The following FAR2 variants were observed in gnomAD, a reference collection of about 807,000 sequenced individuals.
FAR2 encodes fatty acyl-CoA reductase 2, also known as epididymis secretory protein Li 81.
FAR2 carries 19 observed loss-of-function variants against 56.0 expected under a neutral mutation model. The observed-to-expected ratio is 0.34, with a 90% CI of 0.24 to 0.50. The LOEUF (loss-of-function observed/expected upper bound fraction) is 0.50, where lower values mean the gene tolerates loss of function less well. FAR2 is among the 20% of genes least tolerant of loss of function. The probability of loss-of-function intolerance (pLI) is 0.98; values close to 1 mark genes in which losing one functional copy is unlikely to be tolerated. For synonymous variants in FAR2, 219 were observed against 218.8 expected, an observed-to-expected ratio of 1.00 and a Z score of -0.01; for missense variants, 508 against 642.2, an observed-to-expected ratio of 0.79 and a Z score of 2.26.
rs1224871478 is a variant in FAR2, at chr12:29,332,687, G to A, written c.1345G>A (p.Asp449Asn). 8.7e-6 allele frequency: 14 copies of A among 1,613,622 alleles called. No homozygotes were observed. Among genetic ancestry groups the A allele is most frequent in the Non-Finnish European group, 1.2e-5 (14 of 1,179,770 alleles). Reference protein sequence around the residue: ...LGVKKYLLKEDMAGIPKAKQR... With the variant: ...LGVKKYLLKENMAGIPKAKQR... ...AGTTAAAAAATACTTATTGAAAGAG[G>A]ATATGGCTGGGATCCCAAAAGCAAA... is the stretch of plus-strand genomic sequence containing the variant. Residue 449 changes from aspartate to asparagine, a missense_variant, in exon 11 of 12, where the codon GAT becomes AAT. Transcript: ENST00000536681.
chr12:29,171,533 CA>C, intron 1 of FAR2: 1 of 149,658 alleles, frequency 6.7e-6, no homozygotes, highest in Non-Finnish European at 1.5e-5. Context: ...CCCAGCTGCC[CA>C]CTGTCTGGGA....
At chr12:29,252,323 G>A (rs1372762777) in intron 1 of FAR2, among the ~76,000 whole-genome samples, 3 of 152,174 alleles carry the variant, frequency 2.0e-5, no homozygotes, top group Admixed American at 6.5e-5. Context: ...AGGAATGAAG[G>A]TTTGGGTCAT....
At chr12:29,330,332 C>T (rs939600135) in intron 10 of FAR2, among the ~76,000 whole-genome samples, 5 of 152,174 alleles carry the variant, frequency 3.3e-5, no homozygotes, top group Admixed American at 6.5e-5. Flanking sequence ...GTTGAGATTA[C>T]AGGCATGAGC....
chr12:29,244,622 T>TAAAC (rs1391644272), intron 1 of FAR2, among the ~76,000 whole-genome samples: 1 of 152,196 alleles, frequency 6.6e-6, no homozygotes, highest in Admixed American at 6.5e-5. Flanking sequence ...TTCATTCTCT[T>TAAAC]AAACAGCATT....
chr12:29,223,103 G>A (rs939272226), intron 1 of FAR2, among the ~76,000 whole-genome samples: 1 of 152,136 alleles, frequency 6.6e-6, no homozygotes, highest in African/African-American at 2.4e-5. Context: ...TCTATTGGGA[G>A]GTATTACTAA....
intron 1 of FAR2, among the ~76,000 whole-genome samples, chr12:29,253,681 T>C (rs1403179644): frequency 2.0e-5 from 3 of 152,124 alleles, no homozygotes; most frequent in Non-Finnish European, 4.4e-5. Flanking sequence ...CCAGAGCAAA[T>C]AAAAAGCATC....
rs181690146 is a variant in FAR2, at chr12:29,257,368, T to C, written c.-38-13044T>C. ...TTGTGTCTAGCTCAGGGATTGTAAA[T>C]GCACCAATCAGCGCCCTGTCAAAAC... is the stretch of plus-strand genomic sequence containing the variant. On this transcript the variant is annotated intron_variant, in intron 1 of 11. Transcript: ENST00000536681. Among the ~76,000 whole-genome samples, 1,287 of 152,180 alleles carry C rather than the reference T, an allele frequency of 8.5e-3. 18 individuals are homozygous for C. The highest frequency in any genetic ancestry group is 0.03 in the African/African-American group (1,234 of 41,508).
chr12:29,218,308 G>T (rs764442633), intron 1 of FAR2, among the ~76,000 whole-genome samples: 1 of 150,726 alleles, frequency 6.6e-6, no homozygotes, highest in Admixed American at 6.6e-5. Flanking sequence ...GCAGTGAGCC[G>T]AGATCATGCC....
intron 1 of FAR2, among the ~76,000 whole-genome samples, chr12:29,260,383 C>A (rs1359653435): frequency 6.6e-6 from 1 of 152,178 alleles, no homozygotes; most frequent in Non-Finnish European, 1.5e-5. Flanking sequence ...GGACACAACT[C>A]CTCTGCCACC....
At position 29,311,891 on chromosome 12, in the gene FAR2, C is replaced by T. The variant is rs748563420; in HGVS notation, c.896C>T (p.Ser299Leu). The change falls in exon 8 of 12, where the codon TCA becomes TTA. Residue 299 changes from serine to leucine, a missense_variant. Ser to Leu is a moderately radical substitution (Grantham distance 145, BLOSUM62 -2). Transcript: ENST00000536681. ...GWYTAVHRPK[S>L]TLVYHITSGN... Reference sequence around the variant, plus strand: ...TTTATTTCATTTTCCAGACCTAAGTCAACATTAGTCTACCACATTACATCT... The same window carrying T: ...TTTATTTCATTTTCCAGACCTAAGTTAACATTAGTCTACCACATTACATCT... 1 of 1,606,764 alleles carries T rather than the reference C, an allele frequency of 6.2e-7. No homozygotes were observed. The highest frequency in any genetic ancestry group is 8.5e-7 in the Non-Finnish European group (1 of 1,176,268).
intron 4 of FAR2, among the ~76,000 whole-genome samples, chr12:29,302,356 C>G (rs1295053414): frequency 1.3e-5 from 2 of 149,372 alleles, no homozygotes; most frequent in African/African-American, 4.9e-5. Flanking sequence ...GGTGGGGAAA[C>G]AGGTCATATT....
intron 10 of FAR2, among the ~76,000 whole-genome samples, chr12:29,326,280 A>C (rs948143637): frequency 1.2e-4 from 18 of 152,236 alleles, no homozygotes; most frequent in Non-Finnish European, 2.6e-4. Context: ...AACCAAAAAA[A>C]GTCCAGGACC....
chr12:29,196,497 A>G (rs922171388), intron 1 of FAR2, among the ~76,000 whole-genome samples: 6 of 152,100 alleles, frequency 3.9e-5, no homozygotes, highest in African/African-American at 1.2e-4. Flanking sequence ...CTTTTGAAAA[A>G]TATCTGTTCA....
chr12:29,291,053 T>C (rs1948956613), intron 2 of FAR2, among the ~76,000 whole-genome samples: 1 of 152,166 alleles, frequency 6.6e-6, no homozygotes, highest in African/African-American at 2.4e-5. Context: ...CCCTTCTCCA[T>C]GATGTGCTTA....
rs185562850 is a variant in FAR2, at chr12:29,174,272, C to G, written c.-39+24865C>G. 5.8e-4 allele frequency among the ~76,000 whole-genome samples: 89 copies of G among 152,172 alleles called. 1 individual carries two copies. In the East Asian group the frequency reaches 0.016, roughly 27 times the overall value. ...TCAGAGAAGATAGTCTGCCCCTCCCCCACCACGATGGGGCTTTGGGCAAAA... is the reference window on the plus strand; with the variant it reads ...TCAGAGAAGATAGTCTGCCCCTCCCGCACCACGATGGGGCTTTGGGCAAAA... On this transcript the variant is annotated intron_variant, in intron 1 of 11. Transcript: ENST00000536681.
At chr12:29,159,787 G>A (rs1949765410) in intron 1 of FAR2, among the ~76,000 whole-genome samples, 1 of 152,084 alleles carries the variant, frequency 6.6e-6, no homozygotes, top group Non-Finnish European at 1.5e-5. Flanking sequence ...CAAACTCTTG[G>A]TGTTTTAAGT....
In FAR2 at chr12:29,327,308, C is replaced by T. The variant is rs1174579050; in HGVS notation, c.1258-5292C>T. ...GCTCATGGGTAGGAAGAATCAATATCGTGAAAATGGCCATACTGCCCAAGG... is the reference window on the plus strand; with the variant it reads ...GCTCATGGGTAGGAAGAATCAATATTGTGAAAATGGCCATACTGCCCAAGG... On this transcript the variant is annotated intron_variant, in intron 10 of 11. Coordinates refer to ENST00000536681, the MANE Select transcript of FAR2 (RefSeq NM_001271783.2). 2.0e-5 allele frequency among the ~76,000 whole-genome samples: 3 copies of T among 152,224 alleles called. No homozygotes were observed. In the East Asian group the frequency reaches 5.8e-4, roughly 29 times the overall value.
At chr12:29,231,044 C>T (rs924703064) in intron 1 of FAR2, among the ~76,000 whole-genome samples, 2 of 152,136 alleles carry the variant, frequency 1.3e-5, no homozygotes, top group African/African-American at 2.4e-5. Flanking sequence ...TTGGGGAGCA[C>T]TTTGGAGATT....
intron 1 of FAR2, among the ~76,000 whole-genome samples, chr12:29,187,916 C>A (rs1413247090): frequency 6.6e-6 from 1 of 152,196 alleles, no homozygotes; most frequent in Non-Finnish European, 1.5e-5. Context: ...CAGCCAGTTT[C>A]ATTTCGTAAA....
Sources: allele counts gnomAD v4.1 joint callset (sites outside exome capture counted in the v4.1 genomes callset), GRCh38; gene constraint gnomAD v4.1.1; transcripts MANE v1.5; gene names NCBI Gene and HGNC (gene_info 2026-07-23, HGNC 2026-07-21).